Variants in MACROD2 observed in about 807,000 individuals in gnomAD.
MACROD2 encodes mono-ADP ribosylhydrolase 2.
A neutral mutation model predicts 70.4 loss-of-function variants in MACROD2; 36 were observed. The observed-to-expected ratio is 0.51, with a 90% CI of 0.39 to 0.68. The LOEUF is 0.68. Ranked by LOEUF, MACROD2 falls within the 30% of genes least tolerant of loss-of-function variation. The pLI, the probability that MACROD2 is intolerant of heterozygous loss-of-function variation, is 0.00. For synonymous variants in MACROD2, 172 were observed against 178.8 expected (o/e 0.96, Z 0.30); for missense variants, 496 against 538.4 (o/e 0.92, Z 0.78).
chr20:14,725,115 T>C (rs1233912474), intron 5 of MACROD2, among the ~76,000 whole-genome samples: 1 of 152,076 alleles, frequency 6.6e-6, no homozygotes, highest in Admixed American at 6.6e-5. Flanking sequence ...GAACAAATCC[T>C]AGGTTTTTGG....
At position 15,845,025 on chromosome 20, in the gene MACROD2, T is replaced by C. The variant is rs16996673; in HGVS notation, c.646-17720T>C. Among the ~76,000 whole-genome samples, 1,171 of 152,256 alleles carry C rather than the reference T, an allele frequency of 7.7e-3. 11 individuals are homozygous for C. The highest frequency in any genetic ancestry group is 0.027 in the African/African-American group (1,132 of 41,540). On this transcript the variant is annotated intron_variant, in intron 8 of 17. Coordinates refer to ENST00000684519, the MANE Select transcript of MACROD2 (RefSeq NM_001351661.2). Reference sequence around the variant, plus strand: ...TCACACTTCATGGCAGTCTTTCACATCATACTCTAGTCAGCTAGTGAAACA... The same window carrying C: ...TCACACTTCATGGCAGTCTTTCACACCATACTCTAGTCAGCTAGTGAAACA...
At chr20:15,186,843 G>A (rs1259483946) in intron 5 of MACROD2, among the ~76,000 whole-genome samples, 1 of 152,146 alleles carries the variant, frequency 6.6e-6, no homozygotes, top group African/African-American at 2.4e-5. Flanking sequence ...AGTCTCATTT[G>A]TGTTCCTAAC....
At chr20:15,487,433 C>G (rs1259921732) in intron 7 of MACROD2, among the ~76,000 whole-genome samples, 1 of 152,130 alleles carries the variant, frequency 6.6e-6, no homozygotes, top group Non-Finnish European at 1.5e-5. Flanking sequence ...TTAATTATAT[C>G]ATATAATGTA....
At chr20:14,533,513 G>T (rs559633090) in intron 4 of MACROD2, among the ~76,000 whole-genome samples, 1 of 152,216 alleles carries the variant, frequency 6.6e-6, no homozygotes, top group South Asian at 2.1e-4. Context: ...GGTTTATGGT[G>T]GACTAAGTGG....
At position 15,258,044 on chromosome 20, in the gene MACROD2, T is replaced by TA. The variant is rs147386624; in HGVS notation, c.540+27992dup. Among the ~76,000 whole-genome samples, 1,029 of 150,572 alleles carry TA rather than the reference T, an allele frequency of 6.8e-3. 13 individuals carry two copies. Among genetic ancestry groups the TA allele is most frequent in the African/African-American group, 0.024 (986 of 40,996 alleles). Reference sequence around the variant, plus strand: ...GTTTTTAACAAAAAGTTCAAAAGTTTAAAAAAAAAGGTAAAAATACAAAAA... The same window carrying TA: ...GTTTTTAACAAAAAGTTCAAAAGTTTAAAAAAAAAAGGTAAAAATACAAAAA... On this transcript the variant is annotated intron_variant, in intron 6 of 17. Coordinates refer to ENST00000684519, the MANE Select transcript of MACROD2 (RefSeq NM_001351661.2).
intron 3 of MACROD2, among the ~76,000 whole-genome samples, chr20:14,429,920 T>G (rs2122924780): frequency 6.6e-6 from 1 of 152,296 alleles, no homozygotes; most frequent in South Asian, 2.1e-4. Flanking sequence ...CAGTAGTAAC[T>G]TCATCATTAA....
chr20:14,771,349 G>T (rs1004413873), intron 5 of MACROD2, among the ~76,000 whole-genome samples: 8 of 151,830 alleles, frequency 5.3e-5, no homozygotes, highest in Non-Finnish European at 7.4e-5. Context: ...ACACAGATTT[G>T]ATGAATGAAA....
At chr20:14,527,225 C>T (rs1235364008) in intron 4 of MACROD2, among the ~76,000 whole-genome samples, 2 of 152,314 alleles carry the variant, frequency 1.3e-5, no homozygotes, top group East Asian at 1.9e-4. Context: ...TGATGTGCTC[C>T]TCTCCATATC....
intron 5 of MACROD2, among the ~76,000 whole-genome samples, chr20:14,942,329 G>T (rs913364139): frequency 3.3e-5 from 5 of 151,832 alleles, no homozygotes; most frequent in Non-Finnish European, 5.9e-5. Flanking sequence ...AATAATTGCT[G>T]CCCTCCTTCT....
intron 4 of MACROD2, among the ~76,000 whole-genome samples, chr20:14,667,047 G>C (rs933319291): frequency 6.6e-6 from 1 of 151,778 alleles, no homozygotes; most frequent in Non-Finnish European, 1.5e-5. Context: ...ATCCAATACT[G>C]TTCTTCTTAT....
At position 15,156,797 on chromosome 20, in the gene MACROD2, C is replaced by T. The variant is rs74179761; in HGVS notation, c.419-73143C>T. Among the ~76,000 whole-genome samples the T allele has an allele frequency of 3.2e-3, 486 of 152,228 alleles. 3 individuals carry two copies. Among genetic ancestry groups the T allele is most frequent in the Middle Eastern group, 6.8e-3 (2 of 294 alleles). On this transcript the variant is annotated intron_variant, in intron 5 of 17. Coordinates refer to ENST00000684519, the MANE Select transcript of MACROD2 (RefSeq NM_001351661.2). ...TTCTCATTCCTTCCTCTTAGCAGAC[C>T]CTCAGAAAACCTGGATTTGACTCAA... is the stretch of plus-strand genomic sequence containing the variant.
intron 4 of MACROD2, among the ~76,000 whole-genome samples, chr20:14,598,814 G>A (rs911308501): frequency 6.6e-6 from 1 of 152,088 alleles, no homozygotes; most frequent in Non-Finnish European, 1.5e-5. Flanking sequence ...TCTCCATGGT[G>A]CTATGACATA....
intron 3 of MACROD2, among the ~76,000 whole-genome samples, chr20:14,452,688 A>C (rs1274709654): frequency 1.3e-5 from 2 of 152,116 alleles, no homozygotes; most frequent in African/African-American, 4.8e-5. Flanking sequence ...TGAAAAAGTG[A>C]ATTGTTATTA....
At chr20:15,511,273 T>C (rs550756824) in intron 8 of MACROD2, among the ~76,000 whole-genome samples, 1 of 152,340 alleles carries the variant, frequency 6.6e-6, no homozygotes, top group African/African-American at 2.4e-5. Context: ...CAATAAACCA[T>C]TGACTGAAAT....
chr20:14,348,367 C>A (rs145509886), intron 3 of MACROD2, among the ~76,000 whole-genome samples: 363 of 151,896 alleles, frequency 2.4e-3, no homozygotes, highest in African/African-American at 8.3e-3. Context: ...ATTAAGGGTT[C>A]ATGGTAATTT....
chr20:14,127,601 G>A lies in MACROD2; in HGVS notation c.271+41873G>A, dbSNP rs75173696. The A allele has an allele frequency of 6.5e-3, 2,970 of 455,692 alleles. 69 individuals carry two copies. Among genetic ancestry groups the A allele is most frequent in the African/African-American group, 0.054 (2,676 of 49,184 alleles). The allele number at this position is 455,692 out of a possible 1,614,324, so 28.2% of individuals were successfully genotyped here. On this transcript the variant is annotated intron_variant, in intron 3 of 17. Transcript: ENST00000684519. Reference sequence around the variant, plus strand: ...GAGTAGGAAACTGAAGGAAGAAGTTGAATTGAAACAAGAGCTAATTCAGAC... The same window carrying A: ...GAGTAGGAAACTGAAGGAAGAAGTTAAATTGAAACAAGAGCTAATTCAGAC...
intron 6 of MACROD2, among the ~76,000 whole-genome samples, chr20:15,294,364 CCA>C (rs1373662572): frequency 5.3e-5 from 8 of 152,124 alleles, no homozygotes; most frequent in Admixed American, 5.2e-4. Flanking sequence ...ATTCAAACCC[CCA>C]GTTATTAGGT....
At chr20:15,737,245 T>TAATTACA (rs1377002089) in intron 8 of MACROD2, among the ~76,000 whole-genome samples, 1 of 152,170 alleles carries the variant, frequency 6.6e-6, no homozygotes, top group Non-Finnish European at 1.5e-5. Context: ...GGCATCCAAG[T>TAATTACA]GGAAAGCTCT....
At chr20:14,960,547 A>AT (rs1568898564) in intron 5 of MACROD2, among the ~76,000 whole-genome samples, 3 of 152,356 alleles carry the variant, frequency 2.0e-5, no homozygotes, top group Admixed American at 1.3e-4. Flanking sequence ...GAGGATTAAT[A>AT]TGCTGCAATG....
Sources: allele counts gnomAD v4.1 joint callset (sites outside exome capture counted in the v4.1 genomes callset), GRCh38; gene constraint gnomAD v4.1.1; transcripts MANE v1.5; gene names NCBI Gene and HGNC (gene_info 2026-07-23, HGNC 2026-07-21).